The following GPM6A variants were observed in gnomAD, a reference collection of about 807,000 sequenced individuals.
GPM6A encodes neuronal membrane glycoprotein M6-a.
Under a neutral mutation model 32.1 loss-of-function variants are expected in GPM6A, and 7 were observed. That is an observed-to-expected ratio of 0.22 (90% CI 0.12 to 0.41). GPM6A has a LOEUF of 0.41. Ranked by LOEUF, GPM6A falls within the 10% of genes least tolerant of loss-of-function variation. The pLI, the probability that GPM6A is intolerant of heterozygous loss-of-function variation, is 1.00. For synonymous variants in GPM6A, 130 were observed against 123.4 expected, an observed-to-expected ratio of 1.05 and a Z score of -0.35; for missense variants, 235 against 347.2, an observed-to-expected ratio of 0.68 and a Z score of 2.57.
intron 1 of GPM6A, among the ~76,000 whole-genome samples, chr4:175,881,014 G>T (rs1192278317): frequency 6.6e-6 from 1 of 152,102 alleles, no homozygotes; most frequent in African/African-American, 2.4e-5. Flanking sequence ...AAACTAAAGA[G>T]CTCCTGCACA....
upstream of GPM6A, among the ~76,000 whole-genome samples, chr4:175,814,393 G>A (rs969518083): frequency 2.0e-5 from 3 of 152,146 alleles, no homozygotes; most frequent in Non-Finnish European, 4.4e-5. Context: ...CTTGCCTAAT[G>A]TTCTGATCTT....
intron 1 of GPM6A, chr4:175,807,588 AT>A (rs1274753303): frequency 3.3e-5 from 5 of 152,218 alleles, no homozygotes; most frequent in Non-Finnish European, 7.4e-5. Flanking sequence ...AATTGAACCA[AT>A]TCATCTTTTT....
At chr4:175,953,502 C>T (rs1739885725) in intron 1 of GPM6A, among the ~76,000 whole-genome samples, 1 of 152,184 alleles carries the variant, frequency 6.6e-6, no homozygotes, top group African/African-American at 2.4e-5. Flanking sequence ...TTGATATTTG[C>T]ATGTCATTAT....
intron 1 of GPM6A, among the ~76,000 whole-genome samples, chr4:175,717,769 G>C (rs1448315008): frequency 6.6e-6 from 1 of 152,068 alleles, no homozygotes; most frequent in Admixed American, 6.6e-5. Context: ...TTCATGTTTT[G>C]TTCTTGGTTA....
chr4:175,693,494 A>G (rs17598242), intron 2 of GPM6A, among the ~76,000 whole-genome samples: 7,157 of 152,172 alleles, frequency 0.047, 198 homozygotes, highest in Non-Finnish European at 0.062. Flanking sequence ...GCATTTCAGA[A>G]CTACAAGTTC....
intron 1 of GPM6A, among the ~76,000 whole-genome samples, chr4:175,769,107 T>TAAAC (rs1249298717): frequency 3.9e-5 from 6 of 151,970 alleles, no homozygotes; most frequent in African/African-American, 1.5e-4. Flanking sequence ...AATAAATAAA[T>TAAAC]AAATAGGTAC....
chr4:175,685,997 G>A (rs1003501031), intron 2 of GPM6A, among the ~76,000 whole-genome samples: 1 of 151,864 alleles, frequency 6.6e-6, no homozygotes, highest in Admixed American at 6.6e-5. Context: ...CTTTCTTTTT[G>A]TCTCGTCCAC....
intron 2 of GPM6A, among the ~76,000 whole-genome samples, chr4:175,698,056 T>C (rs1744675047): frequency 6.6e-6 from 1 of 152,030 alleles, no homozygotes; most frequent in Non-Finnish European, 1.5e-5. Flanking sequence ...GAGATAAGTG[T>C]ATGTATTTAA....
intron 1 of GPM6A, among the ~76,000 whole-genome samples, chr4:175,920,690 A>G (rs191858278): frequency 1.3e-4 from 20 of 152,230 alleles, no homozygotes; most frequent in Admixed American, 3.3e-4. Flanking sequence ...TTTACTAAAA[A>G]TGCAAAAAAC....
intron 1 of GPM6A, among the ~76,000 whole-genome samples, chr4:175,795,416 T>G (rs1045196295): frequency 6.6e-6 from 1 of 152,158 alleles, no homozygotes; most frequent in Non-Finnish European, 1.5e-5. Context: ...GAATAGAATA[T>G]GGCAGAAGCA....
chr4:175,976,231 C>T (rs116497961), intron 1 of GPM6A, among the ~76,000 whole-genome samples: 1 of 150,508 alleles, frequency 6.6e-6, no homozygotes. Context: ...AAGCTGCACT[C>T]GGCTCACTGC....
chr4:175,824,350 G>A (rs565254451), intron 1 of GPM6A, among the ~76,000 whole-genome samples: 123 of 152,214 alleles, frequency 8.1e-4, no homozygotes, highest in Non-Finnish European at 1.4e-3. Flanking sequence ...TGTTCTTCAC[G>A]GTTTTCAGCG....
chr4:175,676,212 T>C (rs1188118600), intron 2 of GPM6A, among the ~76,000 whole-genome samples: 13 of 152,184 alleles, frequency 8.5e-5, no homozygotes, highest in African/African-American at 3.1e-4. Flanking sequence ...ATTAAACCTC[T>C]TTCTTTTATA....
At position 175,671,477 on chromosome 4, in the gene GPM6A, G is replaced by GAAAAAAAAAAAA. The variant is rs544889132; in HGVS notation, c.387+2191_387+2202dup. Among the ~76,000 whole-genome samples the GAAAAAAAAAAAA allele has an allele frequency of 5.3e-4, 13 of 24,408 alleles. 4 individuals carry two copies. The highest frequency in any genetic ancestry group is 5.0e-3 in the East Asian group (2 of 400). 16.0% of individuals were successfully genotyped at this position (24,408 alleles called of 152,430 possible). On this transcript the variant is annotated intron_variant, in intron 3 of 6. Transcript: ENST00000393658. ...CGTAAGATACAATCTGCCTACAAACGAAAAAAAAAAAAAAAAAAAAAAAAA... is the reference window on the plus strand; with the variant it reads ...CGTAAGATACAATCTGCCTACAAACGAAAAAAAAAAAAAAAAAAAAAAAAAAAAAAAAAAAAA...
intron 1 of GPM6A, among the ~76,000 whole-genome samples, chr4:175,873,268 C>T (rs1736970135): frequency 6.6e-6 from 1 of 151,650 alleles, no homozygotes. Flanking sequence ...TTTGTCATTT[C>T]TAATTTTAGG....
intron 1 of GPM6A, among the ~76,000 whole-genome samples, chr4:175,767,784 T>A (rs984829564): frequency 1.4e-4 from 22 of 152,222 alleles, no homozygotes; most frequent in Non-Finnish European, 1.5e-4. Context: ...TTGTCACCCA[T>A]GAATTCAGAG....
At chr4:175,947,716 AAAT>A (rs1189083261) in intron 1 of GPM6A, 16 of 152,176 alleles carry the variant, frequency 1.1e-4, no homozygotes, top group Non-Finnish European at 2.1e-4. Context: ...AAAAAAACAC[AAAT>A]AATTTAACCA....
chr4:175,938,737 C>CAAAAAAAAAAAAA (rs3034711), intron 1 of GPM6A, among the ~76,000 whole-genome samples: 1 of 134,092 alleles, frequency 7.5e-6, no homozygotes, highest in Non-Finnish European at 1.5e-5. Context: ...AAAGTAAAAC[C>CAAAAAAAAAAAAA]AAAAAAAAAA....
intron 1 of GPM6A, among the ~76,000 whole-genome samples, chr4:175,980,527 C>T (rs1740789892): frequency 6.6e-6 from 1 of 152,158 alleles, no homozygotes; most frequent in Non-Finnish European, 1.5e-5. Flanking sequence ...AGATCAATGC[C>T]TACTAACTGG....
Sources: allele counts gnomAD v4.1 joint callset (sites outside exome capture counted in the v4.1 genomes callset), GRCh38; gene constraint gnomAD v4.1.1; transcripts MANE v1.5; gene names NCBI Gene and HGNC (gene_info 2026-07-23, HGNC 2026-07-21).